CCDC126: variants seen among roughly 807,000 people sequenced by gnomAD.
CCDC126 encodes coiled-coil domain containing 126, also known as coiled-coil domain-containing protein 126.
CCDC126 carries 5 observed loss-of-function variants against 11.7 expected under a neutral mutation model. The observed-to-expected ratio is 0.43, with a 90% CI of 0.22 to 0.90. The LOEUF is 0.90. Ranked by LOEUF, CCDC126 falls within the 40% of genes least tolerant of loss-of-function variation. The pLI, the probability that CCDC126 is intolerant of heterozygous loss-of-function variation, is 0.27. For synonymous variants in CCDC126, 60 were observed against 61.9 expected (o/e 0.97, Z 0.14); for missense variants, 150 against 163.1 (o/e 0.92, Z 0.44).
At chr7:23,627,662 G>A (rs1265428733) in intron 3 of CCDC126, among the ~76,000 whole-genome samples, 2 of 151,998 alleles carry the variant, frequency 1.3e-5, no homozygotes, top group African/African-American at 2.4e-5. Flanking sequence ...ACAGTGGCAC[G>A]ATCATGGCTC....
At chr7:23,609,095 G>T (rs12700451) in intron 2 of CCDC126, among the ~76,000 whole-genome samples, 27,832 of 152,084 alleles carry the variant, frequency 0.18, 2,933 homozygotes, top group Non-Finnish European at 0.25. Flanking sequence ...TTGATCTTCA[G>T]TTTGACAATA....
At chr7:23,637,788 A>G (rs1584219279) in intron 3 of CCDC126, among the ~76,000 whole-genome samples, 1 of 50,328 alleles carries the variant, frequency 2.0e-5, no homozygotes, top group African/African-American at 6.3e-5. Context: ...CCAGTCCGGG[A>G]GGGAGGCGGG....
chr7:23,632,726 A>G (rs1375124727), intron 3 of CCDC126, among the ~76,000 whole-genome samples: 1 of 152,254 alleles, frequency 6.6e-6, no homozygotes, highest in Non-Finnish European at 1.5e-5. Flanking sequence ...TTAACAATTA[A>G]GGAAAAAACC....
At chr7:23,599,788 TTTAG>T (rs1562826292) in intron 2 of CCDC126, among the ~76,000 whole-genome samples, 1 of 152,006 alleles carries the variant, frequency 6.6e-6, no homozygotes, top group Non-Finnish European at 1.5e-5. Flanking sequence ...CATATTTTAG[TTTAG>T]TTAGTTTAGT....
At chr7:23,637,897 G>T (rs1405603992) in intron 3 of CCDC126, among the ~76,000 whole-genome samples, 2 of 119,582 alleles carry the variant, frequency 1.7e-5, no homozygotes, top group Admixed American at 8.0e-5. Flanking sequence ...GGGCGCCTCT[G>T]CCCGGCCGCC....
In CCDC126 at chr7:23,611,256, T is replaced by C. The variant is rs1782705498; in HGVS notation, c.-60T>C. The C allele has an allele frequency of 4.0e-6, 4 of 1,005,392 alleles. No individual in the cohort carries two copies. The highest frequency in any genetic ancestry group is 6.2e-6 in the Non-Finnish European group (4 of 642,802). 62.3% of individuals were successfully genotyped at this position (1,005,392 alleles called of 1,614,324 possible). Reference sequence around the variant, plus strand: ...TTTTCTTTTTTTTTTCAAGTCTTGATTTGTGGCTTACCTCAAGTTACCATT... The same window carrying C: ...TTTTCTTTTTTTTTTCAAGTCTTGACTTGTGGCTTACCTCAAGTTACCATT... On this transcript the variant is annotated 5_prime_UTR_variant, in exon 3 of 4. Coordinates refer to ENST00000307471, the MANE Select transcript of CCDC126 (RefSeq NM_138771.4).
intron 3 of CCDC126, among the ~76,000 whole-genome samples, chr7:23,615,030 T>G (rs1782773958): frequency 6.6e-6 from 1 of 152,218 alleles, no homozygotes. Context: ...GCCTGTCATT[T>G]GAAGCTTTGA....
intron 3 of CCDC126, among the ~76,000 whole-genome samples, chr7:23,630,004 C>T (rs934515455): frequency 3.3e-5 from 5 of 152,004 alleles, no homozygotes; most frequent in African/African-American, 1.2e-4. Flanking sequence ...TAAACCCATG[C>T]TAAGAATTTC....
rs1456220902 is a variant in CCDC126, at chr7:23,643,047, G to A, written c.355G>A (p.Gly119Ser). Residue 119 changes from glycine to serine, a missense_variant, in exon 4 of 4, where the codon GGT (glycine) becomes AGT (serine). Physicochemically the swap from Gly to Ser is moderately conservative, Grantham distance 56. Coordinates refer to ENST00000307471, the MANE Select transcript of CCDC126 (RefSeq NM_138771.4). Reference protein sequence around the residue: ...VNGSAANTTNGTSGNLVPVTT... With the variant: ...VNGSAANTTNSTSGNLVPVTT... ...TGGCTCAGCAGCCAACACCACCAATGGTACTAGTGGGAATTTGGTGCCAGT... is the reference window on the plus strand; with the variant it reads ...TGGCTCAGCAGCCAACACCACCAATAGTACTAGTGGGAATTTGGTGCCAGT... The A allele has an allele frequency of 9.3e-6, 15 of 1,613,872 alleles. No homozygotes were observed. The highest frequency in any genetic ancestry group is 1.3e-5 in the Non-Finnish European group (15 of 1,179,902).
At chr7:23,604,135 C>T (rs1174215850) in intron 2 of CCDC126, 1 of 152,166 alleles carries the variant, frequency 6.6e-6, no homozygotes, top group Non-Finnish European at 1.5e-5. Context: ...ATTATGTCAT[C>T]TTTTAGGACT....
chr7:23,623,118 C>A (rs1782950463), intron 3 of CCDC126, among the ~76,000 whole-genome samples: 1 of 150,158 alleles, frequency 6.7e-6, no homozygotes, highest in Admixed American at 6.7e-5. Context: ...GGATTGCAGG[C>A]TCGCGCCACT....
At chr7:23,602,311 A>G (rs1197439097) in intron 2 of CCDC126, 1 of 152,248 alleles carries the variant, frequency 6.6e-6, no homozygotes, top group Non-Finnish European at 1.5e-5. Flanking sequence ...ACAAGTTTTA[A>G]GTAAATGCAC....
intron 3 of CCDC126, among the ~76,000 whole-genome samples, chr7:23,619,764 A>G (rs1782858894): frequency 8.4e-6 from 1 of 118,820 alleles, no homozygotes; most frequent in Non-Finnish European, 1.6e-5. Flanking sequence ...CTGGTGTGTG[A>G]TGTTCCCCTT....
intron 2 of CCDC126, among the ~76,000 whole-genome samples, chr7:23,610,233 A>G (rs1222561067): frequency 6.6e-6 from 1 of 152,166 alleles, no homozygotes; most frequent in Admixed American, 6.6e-5. Flanking sequence ...TGTTTTTGAG[A>G]CAAGGTCTTG....
At chr7:23,642,416 C>A (rs1036010386) in intron 3 of CCDC126, among the ~76,000 whole-genome samples, 48 of 152,092 alleles carry the variant, frequency 3.2e-4, no homozygotes, top group African/African-American at 1.1e-3. Flanking sequence ...GAGTTTCCCC[C>A]ACATTTACAA....
At chr7:23,632,093 GTTT>G (rs200021592) in intron 3 of CCDC126, among the ~76,000 whole-genome samples, 2 of 134,736 alleles carry the variant, frequency 1.5e-5, no homozygotes, top group Admixed American at 1.5e-4. Context: ...CACCAAGTGG[GTTT>G]TTTTTTTTTT....
At chr7:23,602,372 C>G (rs930433778) in intron 2 of CCDC126, among the ~76,000 whole-genome samples, 2 of 152,172 alleles carry the variant, frequency 1.3e-5, no homozygotes, top group Non-Finnish European at 1.5e-5. Flanking sequence ...GCCACTGCCC[C>G]TTTCAGATTA....
chr7:23,622,723 C>T (rs1782936923), intron 3 of CCDC126: 1 of 524,792 alleles, frequency 1.9e-6, no homozygotes, highest in Non-Finnish European at 3.8e-6. Context: ...ACATTGTGGC[C>T]ACAGTTGACC....
At chr7:23,608,945 A>G (rs1365050097) in intron 2 of CCDC126, among the ~76,000 whole-genome samples, 1 of 152,120 alleles carries the variant, frequency 6.6e-6, no homozygotes, top group Non-Finnish European at 1.5e-5. Context: ...GCAAAATCAT[A>G]GAATCATGAC....
Sources: allele counts gnomAD v4.1 joint callset (sites outside exome capture counted in the v4.1 genomes callset), GRCh38; gene constraint gnomAD v4.1.1; transcripts MANE v1.5; gene names NCBI Gene and HGNC (gene_info 2026-07-23, HGNC 2026-07-21).